Variants in LPP observed in about 807,000 individuals in gnomAD.
LPP encodes the protein lipoma-preferred partner.
A neutral mutation model predicts 60.4 loss-of-function variants in LPP; 38 were observed. That is an observed-to-expected ratio of 0.63 (90% CI 0.49 to 0.83). LPP has a LOEUF of 0.83. LPP is among the 40% of genes least tolerant of loss of function. LPP has a pLI of 0.00. For synonymous variants in LPP, 328 were observed against 290.8 expected (o/e 1.13, Z -1.30); for missense variants, 902 against 783.6 (o/e 1.15, Z -1.80).
intron 4 of LPP, among the ~76,000 whole-genome samples, chr3:188,427,507 C>T (rs1447571146): frequency 6.6e-6 from 1 of 152,124 alleles, no homozygotes; most frequent in Non-Finnish European, 1.5e-5. Flanking sequence ...GGTTGCTCTT[C>T]TCGAGGAGTA....
At chr3:188,707,650 A>T (rs1243065896) in intron 7 of LPP, among the ~76,000 whole-genome samples, 1 of 152,216 alleles carries the variant, frequency 6.6e-6, no homozygotes, top group Non-Finnish European at 1.5e-5. Context: ...ACTCGATAAG[A>T]TTTATCTCAT....
At chr3:188,707,297 G>A (rs763461585) in intron 7 of LPP, among the ~76,000 whole-genome samples, 87 of 152,046 alleles carry the variant, frequency 5.7e-4, no homozygotes, top group Admixed American at 2.8e-3. Context: ...GTGGAATGAA[G>A]GGGGAATAGA....
intron 2 of LPP, among the ~76,000 whole-genome samples, chr3:188,233,205 T>C (rs1720711175): frequency 6.6e-6 from 1 of 152,226 alleles, no homozygotes; most frequent in South Asian, 2.1e-4. Flanking sequence ...GCTCATGTTT[T>C]CTGATACCTG....
At chr3:188,358,317 A>G (rs912271397) in intron 3 of LPP, among the ~76,000 whole-genome samples, 6 of 152,208 alleles carry the variant, frequency 3.9e-5, no homozygotes, top group Admixed American at 3.3e-4. Context: ...TTGTTTCCAC[A>G]TGGTGATTAT....
intron 7 of LPP, among the ~76,000 whole-genome samples, chr3:188,677,271 A>G (rs1046415485): frequency 2.0e-5 from 3 of 152,234 alleles, no homozygotes; most frequent in Non-Finnish European, 1.5e-5. Flanking sequence ...GATAGCTAAT[A>G]CAATTATGTT....
chr3:188,860,400 T>C (rs577657093), intron 9 of LPP, among the ~76,000 whole-genome samples: 2 of 152,064 alleles, frequency 1.3e-5, no homozygotes, highest in Non-Finnish European at 2.9e-5. Context: ...GAGCTGTACT[T>C]CCCAACCTTT....
intron 5 of LPP, among the ~76,000 whole-genome samples, chr3:188,495,736 C>T (rs1236041420): frequency 6.6e-6 from 1 of 152,146 alleles, no homozygotes; most frequent in Non-Finnish European, 1.5e-5. Flanking sequence ...GGTACGAAAG[C>T]CCTATTGGGC....
chr3:188,224,505 T>C (rs1012215053), intron 1 of LPP, among the ~76,000 whole-genome samples: 8 of 152,176 alleles, frequency 5.3e-5, no homozygotes, highest in Non-Finnish European at 1.2e-4. Flanking sequence ...TAATAAGGGC[T>C]GTATTAGGCT....
At chr3:188,466,394 TA>T (rs1165774870) in intron 4 of LPP, among the ~76,000 whole-genome samples, 1 of 152,118 alleles carries the variant, frequency 6.6e-6, no homozygotes, top group Non-Finnish European at 1.5e-5. Flanking sequence ...TTATTGCCAT[TA>T]ATTGACCCTT....
intron 2 of LPP, among the ~76,000 whole-genome samples, chr3:188,247,396 T>C (rs6782041): frequency 0.69 from 104,948 of 152,096 alleles, 37,583 homozygotes; most frequent in African/African-American, 0.89. Context: ...AACTAATACT[T>C]GTGTATGCAA....
At position 188,860,858 on chromosome 3, in the gene LPP, CA is replaced by C. The variant is rs776838328; in HGVS notation, c.1411-5340del. On this transcript the variant is annotated intron_variant, in intron 9 of 11. Transcript: ENST00000617246. ...TTATTTGCATGTAACTTGCAGATAG[CA>C]AGCCTGAATGTCTTCTTTCTATTTG... Among the ~76,000 whole-genome samples, 114 of 152,158 alleles carry C rather than the reference CA, an allele frequency of 7.5e-4. 2 individuals are homozygous for C. Among genetic ancestry groups the C allele is most frequent in the Non-Finnish European group, 2.5e-4 (17 of 68,020 alleles).
intron 1 of LPP, among the ~76,000 whole-genome samples, chr3:188,193,117 A>G (rs1402230991): frequency 6.6e-6 from 1 of 152,146 alleles, no homozygotes; most frequent in African/African-American, 2.4e-5. Flanking sequence ...CCTGGTTGAG[A>G]TTTGGCCTGT....
At chr3:188,603,688 GC>G (rs1394790745) in intron 6 of LPP, among the ~76,000 whole-genome samples, 1 of 152,064 alleles carries the variant, frequency 6.6e-6, no homozygotes, top group African/African-American at 2.4e-5. Flanking sequence ...TGTGTTTTCT[GC>G]CACAGGGATG....
intron 7 of LPP, among the ~76,000 whole-genome samples, chr3:188,649,343 G>T (rs1412088996): frequency 6.6e-6 from 1 of 152,134 alleles, no homozygotes; most frequent in African/African-American, 2.4e-5. Context: ...TGGACAAAGG[G>T]GTTAGGATGA....
At chr3:188,339,427 G>A (rs1021200091) in intron 2 of LPP, among the ~76,000 whole-genome samples, 1 of 152,144 alleles carries the variant, frequency 6.6e-6, no homozygotes, top group Non-Finnish European at 1.5e-5. Flanking sequence ...CCATTCTCAC[G>A]CTGCTATAAA....
At chr3:188,478,715 TA>T (rs1489371212) in intron 4 of LPP, among the ~76,000 whole-genome samples, 1 of 152,134 alleles carries the variant, frequency 6.6e-6, no homozygotes, top group Non-Finnish European at 1.5e-5. Flanking sequence ...TTCAAACATA[TA>T]TTTTTTTCTG....
chr3:188,463,401 G>T (rs1350035628), intron 4 of LPP, among the ~76,000 whole-genome samples: 1 of 151,318 alleles, frequency 6.6e-6, no homozygotes, highest in East Asian at 1.9e-4. Flanking sequence ...CTGCAATGTT[G>T]CCCAGGCTGG....
Position 188,469,917 on chromosome 3 carries a change from T to G in LPP, c.194-14675T>G, listed in dbSNP as rs146627682. 1.9e-3 allele frequency among the ~76,000 whole-genome samples: 283 copies of G among 152,260 alleles called. 2 individuals are homozygous for G. Among genetic ancestry groups the G allele is most frequent in the African/African-American group, 6.3e-3 (262 of 41,562 alleles). On this transcript the variant is annotated intron_variant, in intron 4 of 11. Transcript: ENST00000617246. The stretch of plus-strand genomic sequence containing the variant: ...AGGACATTATAGTTTTTATGGTATT[T>G]CTAAATTCAGTAAAAGGCGAAAGAT...
intron 2 of LPP, among the ~76,000 whole-genome samples, chr3:188,304,062 C>T (rs760479591): frequency 5.3e-5 from 8 of 152,062 alleles, no homozygotes; most frequent in Non-Finnish European, 7.4e-5. Flanking sequence ...GTAGGAGTAC[C>T]CCAGCCTTTA....
Sources: allele counts gnomAD v4.1 joint callset (sites outside exome capture counted in the v4.1 genomes callset), GRCh38; gene constraint gnomAD v4.1.1; transcripts MANE v1.5; gene names NCBI Gene and HGNC (gene_info 2026-07-23, HGNC 2026-07-21).